Variants in CCSER1 observed in about 807,000 individuals in gnomAD.
CCSER1 encodes the protein coiled-coil serine rich protein 1.
A neutral mutation model predicts 82.0 loss-of-function variants in CCSER1; 41 were observed. The ratio of observed to expected loss-of-function variants is 0.50; its 90% confidence interval spans 0.39 to 0.65. The LOEUF (loss-of-function observed/expected upper bound fraction) is 0.65, where lower values mean the gene tolerates loss of function less well. Among genes scored for constraint, CCSER1 ranks in the 30% least tolerant of loss-of-function variants. The pLI is 0.00. For synonymous variants in CCSER1, 414 were observed against 383.9 expected, an observed-to-expected ratio of 1.08 and a Z score of -0.92; for missense variants, 1,119 against 1,064.2, an observed-to-expected ratio of 1.05 and a Z score of -0.72.
At chr4:91,058,616 T>C (rs78389444) in intron 9 of CCSER1, among the ~76,000 whole-genome samples, 3 of 152,026 alleles carry the variant, frequency 2.0e-5, no homozygotes, top group Non-Finnish European at 4.4e-5. Context: ...TCCTCAGGAG[T>C]CTTATCCTCC....
intron 4 of CCSER1, among the ~76,000 whole-genome samples, chr4:90,412,875 C>T (rs1356116760): frequency 1.3e-5 from 2 of 152,156 alleles, no homozygotes; most frequent in Admixed American, 1.3e-4. Context: ...TTTACTACTA[C>T]TATTCAACAT....
At chr4:91,296,428 T>C (rs1425569729) in intron 10 of CCSER1, among the ~76,000 whole-genome samples, 1 of 137,624 alleles carries the variant, frequency 7.3e-6, no homozygotes, top group Non-Finnish European at 1.5e-5. Context: ...ATTTTTCTGG[T>C]GTAAACAGAA....
intron 9 of CCSER1, among the ~76,000 whole-genome samples, chr4:91,063,577 T>C (rs1427577969): frequency 6.6e-6 from 1 of 152,172 alleles, no homozygotes; most frequent in African/African-American, 2.4e-5. Flanking sequence ...GCTATTTATC[T>C]TGACTCATTT....
intron 8 of CCSER1, among the ~76,000 whole-genome samples, chr4:90,842,376 T>C (rs918867464): frequency 6.6e-6 from 1 of 152,174 alleles, no homozygotes; most frequent in Non-Finnish European, 1.5e-5. Context: ...GCTGTTGAAA[T>C]TTGATAGAAC....
intron 4 of CCSER1, among the ~76,000 whole-genome samples, chr4:90,419,830 G>T (rs1319448293): frequency 2.6e-5 from 4 of 151,846 alleles, no homozygotes; most frequent in Admixed American, 2.0e-4. Context: ...TTTATTGAAT[G>T]AAAATAAACC....
At chr4:91,445,662 C>T (rs1192009442) in intron 10 of CCSER1, among the ~76,000 whole-genome samples, 2 of 152,014 alleles carry the variant, frequency 1.3e-5, no homozygotes, top group Non-Finnish European at 1.5e-5. Flanking sequence ...CTATTTATAT[C>T]CCTGTCATCT....
At chr4:91,384,663 G>A (rs1012848098) in intron 10 of CCSER1, among the ~76,000 whole-genome samples, 2 of 151,990 alleles carry the variant, frequency 1.3e-5, no homozygotes, top group Admixed American at 1.3e-4. Context: ...ATATAGAAAT[G>A]CTTTCTGAAT....
intron 5 of CCSER1, among the ~76,000 whole-genome samples, chr4:90,472,716 A>G (rs1284423004): frequency 6.6e-6 from 1 of 152,202 alleles, no homozygotes; most frequent in Non-Finnish European, 1.5e-5. Context: ...TATGTAATCC[A>G]AAAAGAGTGT....
chr4:91,227,381 A>G (rs1166130456), intron 10 of CCSER1, among the ~76,000 whole-genome samples: 1 of 151,874 alleles, frequency 6.6e-6, no homozygotes, highest in Non-Finnish European at 1.5e-5. Context: ...GCTGGAATCT[A>G]CACATTGACT....
intron 4 of CCSER1, among the ~76,000 whole-genome samples, chr4:90,460,937 C>G (rs115885425): frequency 0.012 from 1,779 of 152,132 alleles, 14 homozygotes; most frequent in South Asian, 0.022. Context: ...CTCTAGTCCA[C>G]TACACTGCTA....
At chr4:90,508,690 C>G (rs1771056077) in intron 5 of CCSER1, among the ~76,000 whole-genome samples, 1 of 152,046 alleles carries the variant, frequency 6.6e-6, no homozygotes, top group African/African-American at 2.4e-5. Context: ...ATTAGTTCCA[C>G]TACAGTATCA....
rs529344120 is a variant in CCSER1 at position 91,072,396 on chromosome 4, C to T, written c.2173-13554C>T. Reference sequence around the variant, plus strand: ...CAACGTCATTTACTTAACTTTTTTTCCCCACAGTTATTTTCAAATCTAAAT... The same window carrying T: ...CAACGTCATTTACTTAACTTTTTTTTCCCACAGTTATTTTCAAATCTAAAT... On this transcript the variant is annotated intron_variant, in intron 9 of 10. Transcript: ENST00000509176. 2.6e-5 allele frequency among the ~76,000 whole-genome samples: 4 copies of T among 151,990 alleles called. No homozygotes were observed. The South Asian group carries it at 8.3e-4, about 31-fold the overall frequency.
At chr4:91,529,561 A>G (rs1438139562) in intron 10 of CCSER1, among the ~76,000 whole-genome samples, 2 of 152,128 alleles carry the variant, frequency 1.3e-5, no homozygotes, top group Non-Finnish European at 1.5e-5. Context: ...TGTAAAAGCC[A>G]TGAGAAAACG....
At chr4:91,419,553 TGAA>T (rs757040347) in intron 10 of CCSER1, among the ~76,000 whole-genome samples, 27 of 152,002 alleles carry the variant, frequency 1.8e-4, no homozygotes, top group Non-Finnish European at 3.5e-4. Context: ...TGAAAGAAAT[TGAA>T]GAAGGCACAA....
intron 10 of CCSER1, among the ~76,000 whole-genome samples, chr4:91,484,082 A>G (rs1173276087): frequency 6.6e-6 from 1 of 151,042 alleles, no homozygotes; most frequent in Non-Finnish European, 1.5e-5. Context: ...AGCAAAGCAA[A>G]ACAAAAAATA....
chr4:90,400,241 T>C (rs565161228), intron 4 of CCSER1, 112 bp downstream of exon 4: 1 of 463,618 alleles, frequency 2.2e-6, no homozygotes, highest in Admixed American at 3.7e-5. Context: ...GCCTCAGTTT[T>C]TATAGTCTAT....
chr4:90,844,656 C>G (rs951448905), intron 8 of CCSER1, among the ~76,000 whole-genome samples: 1 of 152,158 alleles, frequency 6.6e-6, no homozygotes, highest in Admixed American at 6.5e-5. Flanking sequence ...ACCTGTCCCC[C>G]ACACCACTTG....
intron 9 of CCSER1, among the ~76,000 whole-genome samples, chr4:90,954,166 A>G (rs1733197855): frequency 6.6e-6 from 1 of 152,018 alleles, no homozygotes. Flanking sequence ...ACAGTATTTT[A>G]TTTGTTATCA....
Position 91,111,018 on chromosome 4 carries a change from A to G in CCSER1, c.2217+25024A>G, listed in dbSNP as rs1376940645. On this transcript the variant is annotated intron_variant, in intron 10 of 10. Coordinates refer to ENST00000509176, the MANE Select transcript of CCSER1 (RefSeq NM_001145065.2). The stretch of plus-strand genomic sequence containing the variant: ...TAGGTGTATTTGAGTTATTAAAATT[A>G]AAATTTGATATAGTGAGAAAAATAA... Among the ~76,000 whole-genome samples, 3 of 151,404 alleles carry G rather than the reference A, an allele frequency of 2.0e-5. No individual in the cohort carries two copies. In the East Asian group the frequency reaches 5.9e-4, roughly 30 times the overall value.
Sources: gnomAD v4.1 joint callset for allele counts (sites outside exome capture counted in the v4.1 genomes callset) on GRCh38, gnomAD v4.1.1 for gene constraint, MANE v1.5 for transcripts, NCBI Gene and HGNC (gene_info 2026-07-23, HGNC 2026-07-21) for gene names.